NAALADL2: variants seen among roughly 807,000 people sequenced by gnomAD.
NAALADL2 encodes inactive N-acetylated-alpha-linked acidic dipeptidase-like protein 2.
Under a neutral mutation model 87.2 loss-of-function variants are expected in NAALADL2, and 76 were observed. That is an observed-to-expected ratio of 0.87 (90% confidence interval 0.72 to 1.05). The LOEUF is 1.05. NAALADL2 is among the 50% of genes least tolerant of loss of function. The probability of loss-of-function intolerance (pLI) is 0.00; values close to 1 mark genes in which losing one functional copy is unlikely to be tolerated. For synonymous variants in NAALADL2, 354 were observed against 331.0 expected, an observed-to-expected ratio of 1.07 and a Z score of -0.75; for missense variants, 1,089 against 945.8, an observed-to-expected ratio of 1.15 and a Z score of -1.99.
At chr3:174,588,206 T>C (rs997272355) in intron 2 of NAALADL2, among the ~76,000 whole-genome samples, 1 of 152,224 alleles carries the variant, frequency 6.6e-6, no homozygotes, top group Non-Finnish European at 1.5e-5. Context: ...TCTCGTGCCA[T>C]GGTTTTCAGC....
rs547585532 is a variant in NAALADL2 at position 175,308,528 on chromosome 3, A to G, written c.940-15647A>G. ...AACTAGAAACCCTTAGATGTCTGTG[A>G]TGAAAAATGTAGCATGTTGGTTTAA... On this transcript the variant is annotated intron_variant, in intron 4 of 13. Coordinates refer to ENST00000454872, the MANE Select transcript of NAALADL2 (RefSeq NM_207015.3). 2.6e-5 allele frequency among the ~76,000 whole-genome samples: 4 copies of G among 152,358 alleles called. No homozygotes were observed. The South Asian group carries it at 8.3e-4, about 32-fold the overall frequency.
intron 5 of NAALADL2, among the ~76,000 whole-genome samples, chr3:175,360,848 G>T (rs1764911836): frequency 6.8e-6 from 1 of 147,752 alleles, no homozygotes; most frequent in Non-Finnish European, 1.5e-5. Context: ...GTGTGTGTGT[G>T]TATCTCACAA....
chr3:174,651,950 T>A (rs1295722548), intron 2 of NAALADL2, among the ~76,000 whole-genome samples: 3 of 151,614 alleles, frequency 2.0e-5, no homozygotes, highest in African/African-American at 7.3e-5. Flanking sequence ...CAAAAGAGAG[T>A]ACATTACCAG....
intron 1 of NAALADL2, among the ~76,000 whole-genome samples, chr3:174,971,628 T>C (rs1388023974): frequency 6.6e-6 from 1 of 151,988 alleles, no homozygotes; most frequent in Non-Finnish European, 1.5e-5. Context: ...CCTTCCCTTT[T>C]TTAGGTGCCT....
chr3:175,661,319 T>G (rs1179043563), intron 11 of NAALADL2, among the ~76,000 whole-genome samples: 3 of 152,018 alleles, frequency 2.0e-5, no homozygotes, highest in African/African-American at 7.2e-5. Context: ...TTTAGAAATG[T>G]CTTTTCACGT....
intron 1 of NAALADL2, among the ~76,000 whole-genome samples, chr3:175,072,078 A>G (rs2109156891): frequency 6.6e-6 from 1 of 152,162 alleles, no homozygotes; most frequent in South Asian, 2.1e-4. Context: ...ACAGTGTAAA[A>G]CCCACAACAT....
At chr3:174,847,244 C>T (rs915354832) in intron 3 of NAALADL2, among the ~76,000 whole-genome samples, 7 of 152,128 alleles carry the variant, frequency 4.6e-5, no homozygotes, top group African/African-American at 1.7e-4. Flanking sequence ...TATCTTATTT[C>T]TTGGAGAACT....
rs868066655 is a variant in NAALADL2, at chr3:175,132,973, C to T, written c.545+35682C>T. 4.6e-5 allele frequency among the ~76,000 whole-genome samples: 7 copies of T among 150,900 alleles called. No homozygotes were observed. In the East Asian group the frequency reaches 6.0e-4, roughly 13 times the overall value. Reference sequence around the variant, plus strand: ...GGGTCTCCTCTCTTCTCAGACGGGGCGGCCGGGCAGAGACGCTCCTCACCT... The same window carrying T: ...GGGTCTCCTCTCTTCTCAGACGGGGTGGCCGGGCAGAGACGCTCCTCACCT... On this transcript the variant is annotated intron_variant, in intron 2 of 13. Coordinates refer to ENST00000454872, the MANE Select transcript of NAALADL2 (RefSeq NM_207015.3).
At chr3:174,721,979 T>C (rs557637256) in intron 2 of NAALADL2, among the ~76,000 whole-genome samples, 39 of 152,244 alleles carry the variant, frequency 2.6e-4, no homozygotes, top group African/African-American at 9.4e-4. Context: ...TCATCAACAA[T>C]CCTGAAAAAT....
intron 13 of NAALADL2, among the ~76,000 whole-genome samples, chr3:175,783,476 T>C (rs914595128): frequency 5.3e-5 from 8 of 151,712 alleles, no homozygotes; most frequent in African/African-American, 1.9e-4. Context: ...CAATTGTGAA[T>C]GGGAGTTCAC....
At chr3:175,671,977 G>A (rs111896205) in intron 11 of NAALADL2, among the ~76,000 whole-genome samples, 1,896 of 152,036 alleles carry the variant, frequency 0.012, 42 homozygotes, top group African/African-American at 0.043. Context: ...AATTTCTAAG[G>A]CAATATCGAA....
At chr3:175,617,828 A>G (rs944656731) in intron 10 of NAALADL2, among the ~76,000 whole-genome samples, 6 of 152,172 alleles carry the variant, frequency 3.9e-5, no homozygotes, top group African/African-American at 1.2e-4. Flanking sequence ...TGAGATTCTC[A>G]TCTGATCTCT....
intron 2 of NAALADL2, among the ~76,000 whole-genome samples, chr3:175,230,846 A>G (rs1349597317): frequency 6.6e-6 from 1 of 152,088 alleles, no homozygotes; most frequent in Non-Finnish European, 1.5e-5. Context: ...AAAATCTTTT[A>G]AAGGCATTTT....
At chr3:175,181,392 A>C (rs904039026) in intron 2 of NAALADL2, among the ~76,000 whole-genome samples, 3 of 151,934 alleles carry the variant, frequency 2.0e-5, no homozygotes, top group African/African-American at 7.2e-5. Flanking sequence ...TAGTTAATAT[A>C]TCCATCATCT....
At chr3:175,164,018 T>C (rs537588649) in intron 2 of NAALADL2, among the ~76,000 whole-genome samples, 50 of 152,322 alleles carry the variant, frequency 3.3e-4, no homozygotes, top group Non-Finnish European at 6.3e-4. Flanking sequence ...ACTCCACAGA[T>C]TTGCACGCTT....
intron 3 of NAALADL2, among the ~76,000 whole-genome samples, chr3:174,810,427 C>T (rs1292357960): frequency 6.6e-6 from 1 of 152,046 alleles, no homozygotes; most frequent in African/African-American, 2.4e-5. Flanking sequence ...GCAAAGGTCA[C>T]TTCTGTTACA....
At chr3:174,882,740 T>C (rs557605044) in intron 1 of NAALADL2, among the ~76,000 whole-genome samples, 1 of 148,056 alleles carries the variant, frequency 6.8e-6, no homozygotes, top group South Asian at 2.1e-4. Context: ...TGTATCTATG[T>C]GTATATACAC....
chr3:175,405,800 G>GTTAA (rs1424898960), intron 5 of NAALADL2, among the ~76,000 whole-genome samples: 1 of 152,112 alleles, frequency 6.6e-6, no homozygotes, highest in African/African-American at 2.4e-5. Context: ...ATCCTATGAG[G>GTTAA]TTAAGTACTA....
intron 1 of NAALADL2, among the ~76,000 whole-genome samples, chr3:174,470,710 G>A (rs1434115018): frequency 6.6e-6 from 1 of 152,024 alleles, no homozygotes; most frequent in Non-Finnish European, 1.5e-5. Flanking sequence ...TCCCATCACC[G>A]TTTATTGAAT....
Sources: allele counts gnomAD v4.1 joint callset (sites outside exome capture counted in the v4.1 genomes callset), GRCh38; gene constraint gnomAD v4.1.1; transcripts MANE v1.5; gene names NCBI Gene and HGNC (gene_info 2026-07-23, HGNC 2026-07-21).